The following TMOD1 variants were observed in gnomAD, a reference collection of about 807,000 sequenced individuals.
TMOD1 encodes tropomodulin-1.
A neutral mutation model predicts 40.6 loss-of-function variants in TMOD1; 17 were observed. That is an observed-to-expected ratio of 0.42 (90% CI 0.29 to 0.63). The LOEUF is 0.63. Ranked by LOEUF, TMOD1 falls within the 20% of genes least tolerant of loss-of-function variation. The pLI, the probability that TMOD1 is intolerant of heterozygous loss-of-function variation, is 0.22. For synonymous variants in TMOD1, 181 were observed against 175.0 expected, an observed-to-expected ratio of 1.03 and a Z score of -0.27; for missense variants, 391 against 447.6, an observed-to-expected ratio of 0.87 and a Z score of 1.14.
chr9:97,521,147 G>A (rs1829908926), intron 1 of TMOD1, among the ~76,000 whole-genome samples: 1 of 152,098 alleles, frequency 6.6e-6, no homozygotes, highest in Non-Finnish European at 1.5e-5. Flanking sequence ...CCAGAGGTGA[G>A]GCAAAAAGCG....
intron 4 of TMOD1, among the ~76,000 whole-genome samples, chr9:97,561,356 G>T (rs1587943954): frequency 6.6e-6 from 1 of 152,304 alleles, no homozygotes; most frequent in South Asian, 2.1e-4. Context: ...GATCAAGGAG[G>T]GGAGTGTCAG....
chr9:97,511,070 GCACACACACACACAGACACACACA>G (rs1829688559), intron 1 of TMOD1, among the ~76,000 whole-genome samples: 2 of 147,328 alleles, frequency 1.4e-5, no homozygotes, highest in East Asian at 4.1e-4. Context: ...ACCCGCGCGC[GCACACACACACACAGACACACACA>G]CACACACACA....
chr9:97,550,285 C>G lies in TMOD1; in HGVS notation c.278-2996C>G, dbSNP rs1319427628. ...ATCCATTCATCCACTGGTAAACAGT[C>G]AGTTATTTCCACCTTCTGGCTATTG... On this transcript the variant is annotated intron_variant, in intron 3 of 9. Coordinates refer to ENST00000259365, the MANE Select transcript of TMOD1 (RefSeq NM_003275.4). 9.9e-5 allele frequency among the ~76,000 whole-genome samples: 15 copies of G among 152,226 alleles called. 1 individual carries two copies. The highest frequency in any genetic ancestry group is 9.8e-4 in the Admixed American group (15 of 15,294).
At chr9:97,531,543 G>A (rs1380039021) in intron 2 of TMOD1, among the ~76,000 whole-genome samples, 8 of 152,084 alleles carry the variant, frequency 5.3e-5, no homozygotes, top group South Asian at 2.1e-4. Context: ...CCTGGGAGGC[G>A]GAGGTTGCAG....
intron 7 of TMOD1, 104 bp downstream of exon 7, chr9:97,566,059 T>C (rs2297164): frequency 0.011 from 10,129 of 932,870 alleles, 575 homozygotes; most frequent in Admixed American, 0.1. Flanking sequence ...CAAAGAGCTC[T>C]ATGTGGTACA....
At chr9:97,582,492 T>A (rs904233588) in intron 8 of TMOD1, among the ~76,000 whole-genome samples, 180 of 146,168 alleles carry the variant, frequency 1.2e-3, no homozygotes, top group Non-Finnish European at 2.2e-3. Context: ...GGCTCTTTTT[T>A]GGTTCCATAT....
intron 8 of TMOD1, among the ~76,000 whole-genome samples, chr9:97,589,467 G>C (rs1587963228): frequency 6.7e-6 from 1 of 150,240 alleles, no homozygotes; most frequent in African/African-American, 2.4e-5. Context: ...TTTTAGTAGA[G>C]ACAGTGTTTC....
chr9:97,541,936 G>T (rs1339898158), intron 2 of TMOD1, among the ~76,000 whole-genome samples: 1 of 152,188 alleles, frequency 6.6e-6, no homozygotes, highest in East Asian at 1.9e-4. Context: ...TCTGTGGTTT[G>T]TCTTCTCACT....
rs1826258092 is a variant in TMOD1, at chr9:97,601,471, G to T, written c.*1773G>T. Reference sequence around the variant, plus strand: ...AAAAGCTCAGAGAGTAAGTGCTGGGGAAAGCAGAGCTATCAGAGGAAATCT... The same window carrying T: ...AAAAGCTCAGAGAGTAAGTGCTGGGTAAAGCAGAGCTATCAGAGGAAATCT... On this transcript the variant is annotated 3_prime_UTR_variant, in exon 10 of 10. Coordinates refer to ENST00000259365, the MANE Select transcript of TMOD1 (RefSeq NM_003275.4). 4 of 1,000,104 alleles carry T rather than the reference G, an allele frequency of 4.0e-6. No homozygotes were observed. The African/African-American group carries it at 5.2e-5, about 13-fold the overall frequency. The allele number at this position is 1,000,104 out of a possible 1,614,324, so 62.0% of individuals were successfully genotyped here.
chr9:97,532,746 A>T (rs1306561176), intron 2 of TMOD1, among the ~76,000 whole-genome samples: 1 of 152,158 alleles, frequency 6.6e-6, no homozygotes, highest in Admixed American at 6.5e-5. Flanking sequence ...TATCCACAAC[A>T]TCATGTAAGT....
intron 1 of TMOD1, among the ~76,000 whole-genome samples, chr9:97,507,780 C>A (rs1410617799): frequency 6.6e-6 from 1 of 151,940 alleles, no homozygotes; most frequent in African/African-American, 2.4e-5. Flanking sequence ...AAGGGGGGGA[C>A]AAGATGAATG....
chr9:97,545,577 T>C (rs1830347516), intron 2 of TMOD1, among the ~76,000 whole-genome samples: 2 of 152,210 alleles, frequency 1.3e-5, no homozygotes, highest in African/African-American at 4.8e-5. Flanking sequence ...AGGCAGCGGG[T>C]AGGGCCAGCA....
chr9:97,509,278 A>C (rs1829653946), intron 1 of TMOD1, among the ~76,000 whole-genome samples: 1 of 152,214 alleles, frequency 6.6e-6, no homozygotes, highest in African/African-American at 2.4e-5. Flanking sequence ...CACAATTATT[A>C]AGACTGCAAG....
chr9:97,526,283 T>C (rs1830012820), intron 2 of TMOD1, among the ~76,000 whole-genome samples: 1 of 152,346 alleles, frequency 6.6e-6, no homozygotes, highest in South Asian at 2.1e-4. Flanking sequence ...AGTTGGCACA[T>C]TTAGAAGTGT....
chr9:97,545,694 C>T (rs1165753877), intron 2 of TMOD1, among the ~76,000 whole-genome samples: 1 of 152,178 alleles, frequency 6.6e-6, no homozygotes, highest in Non-Finnish European at 1.5e-5. Context: ...TGGTCTGCCT[C>T]TTCCTGCCTG....
In TMOD1 at chr9:97,546,362, T is replaced by TA. The variant is rs568432512; in HGVS notation, c.277+22dup. The TA allele has an allele frequency of 8.2e-4, 1,318 of 1,608,986 alleles. 32 individuals carry two copies. The South Asian group carries it at 0.014, about 17-fold the overall frequency. On this transcript the variant is annotated intron_variant, in intron 3 of 9. Coordinates refer to ENST00000259365, the MANE Select transcript of TMOD1 (RefSeq NM_003275.4). ...ACGAGGTACTGAACAATGTTACTGTTATAATATGCCACTCCCCATGCACCA... is the reference window on the plus strand; with the variant it reads ...ACGAGGTACTGAACAATGTTACTGTTAATAATATGCCACTCCCCATGCACCA...
intron 8 of TMOD1, among the ~76,000 whole-genome samples, chr9:97,585,792 C>T (rs1030011343): frequency 3.6e-5 from 5 of 138,464 alleles, no homozygotes; most frequent in Non-Finnish European, 6.2e-5. Flanking sequence ...TCCAGTTGAT[C>T]GCATCGGCTC....
rs1826246133 is a variant in TMOD1 at position 97,601,046 on chromosome 9, G to A, written c.*1348G>A. On this transcript the variant is annotated 3_prime_UTR_variant, in exon 10 of 10. Coordinates refer to ENST00000259365, the MANE Select transcript of TMOD1 (RefSeq NM_003275.4). ...AAGGTGAAGGCCTGCGCACTGAACTGTAAGGCAGTGGGCAGTACAGGGTAA... is the reference window on the plus strand; with the variant it reads ...AAGGTGAAGGCCTGCGCACTGAACTATAAGGCAGTGGGCAGTACAGGGTAA... 33 of 1,303,770 alleles carry A rather than the reference G, an allele frequency of 2.5e-5. No homozygotes were observed. In the South Asian group the frequency reaches 3.3e-4, roughly 13 times the overall value. The allele number at this position is 1,303,770 out of a possible 1,614,324, so 80.8% of individuals were successfully genotyped here. A position where few individuals can be genotyped will look rare whatever the true frequency, so the allele number is the denominator to read the frequency against.
Position 97,502,706 on chromosome 9 carries a change from G to A in TMOD1, c.-49+903G>A, listed in dbSNP as rs970182501. On this transcript the variant is annotated intron_variant, in intron 1 of 9. Transcript: ENST00000259365. This position sits in a 1 kb window ranked among gnomAD's most constrained non-coding sequence, Gnocchi z 6.1. ...CTGCCCCAGACTCGATCGTATCCTGGGACTCACTAAGGCCGTCGGATATCC... is the reference window on the plus strand; with the variant it reads ...CTGCCCCAGACTCGATCGTATCCTGAGACTCACTAAGGCCGTCGGATATCC... 6.6e-6 allele frequency among the ~76,000 whole-genome samples: 1 copy of A among 152,164 alleles called. No homozygotes were observed. The highest frequency in any genetic ancestry group is 1.5e-5 in the Non-Finnish European group (1 of 68,022).
Sources: gnomAD v4.1 joint callset for allele counts (sites outside exome capture counted in the v4.1 genomes callset) on GRCh38, gnomAD v4.1.1 for gene constraint, Gnocchi (gnomAD v3.1) non-coding constraint, MANE v1.5 for transcripts, NCBI Gene and HGNC (gene_info 2026-07-23, HGNC 2026-07-21) for gene names.